The following TNIP1 variants were observed in gnomAD, a reference collection of about 807,000 sequenced individuals.
The protein encoded by TNIP1 is TNFAIP3 interacting protein 1.
A neutral mutation model predicts 86.6 loss-of-function variants in TNIP1; 22 were observed. That is an observed-to-expected ratio of 0.25 (90% confidence interval 0.18 to 0.36). TNIP1 has a LOEUF of 0.36. TNIP1 is among the 10% of genes least tolerant of loss of function. The pLI, the probability that TNIP1 is intolerant of heterozygous loss-of-function variation, is 1.00. For missense variants in TNIP1, 709 were observed against 820.6 expected, an observed-to-expected ratio of 0.86 and a Z score of 1.66; for synonymous variants, 294 against 313.0, an observed-to-expected ratio of 0.94 and a Z score of 0.64.
At chr5:151,087,167 G>T (rs1764308929), upstream of TNIP1, 1 of 152,832 alleles carries the variant, frequency 6.5e-6, no homozygotes, top group Admixed American at 6.5e-5. Flanking sequence ...CTGTGCTTCT[G>T]CAGGAAGGAG....
chr5:151,086,233 G>C (rs1764272777), intron 1 of TNIP1, among the ~76,000 whole-genome samples: 1 of 152,116 alleles, frequency 6.6e-6, no homozygotes, highest in Non-Finnish European at 1.5e-5. Context: ...GAGCCATATG[G>C]GGCTATTTAA....
intron 1 of TNIP1, chr5:151,078,434 C>T (rs1365495215): frequency 6.6e-6 from 1 of 152,194 alleles, no homozygotes. Context: ...CCTGCTCACC[C>T]CCTTCTATTC....
At chr5:151,085,994 G>A (rs918499), upstream of TNIP1, among the ~76,000 whole-genome samples, 78,484 of 151,984 alleles carry the variant, frequency 0.52, 20,912 homozygotes, top group East Asian at 0.73. Context: ...AGAAGCCACC[G>A]TCAGACTTGG....
chr5:151,065,867 A>C (rs1258971157), intron 1 of TNIP1, among the ~76,000 whole-genome samples: 2 of 152,150 alleles, frequency 1.3e-5, no homozygotes, highest in South Asian at 2.1e-4. Context: ...TTTTCATCAA[A>C]CCACTGTCTA....
intron 1 of TNIP1, among the ~76,000 whole-genome samples, chr5:151,078,636 G>C (rs189645766): frequency 6.6e-6 from 1 of 152,200 alleles, no homozygotes; most frequent in Admixed American, 6.5e-5. Flanking sequence ...ATCAGGGAAG[G>C]CCCCTCTGAG....
chr5:151,063,297 T>G (rs1761819042), intron 3 of TNIP1, among the ~76,000 whole-genome samples: 1 of 152,136 alleles, frequency 6.6e-6, no homozygotes, highest in East Asian at 1.9e-4. Context: ...TAGCTGCTCA[T>G]TAAATATTAA....
At chr5:151,048,483 T>C (rs1199706582) in intron 8 of TNIP1, among the ~76,000 whole-genome samples, 1 of 152,166 alleles carries the variant, frequency 6.6e-6, no homozygotes, top group Non-Finnish European at 1.5e-5. Context: ...GTGGAGCTAG[T>C]ATTCCACCTG....
intron 3 of TNIP1, 91 bp downstream of exon 3, chr5:151,063,522 T>G: frequency 6.5e-7 from 1 of 1,529,520 alleles, no homozygotes; most frequent in Non-Finnish European, 8.9e-7. Context: ...CGAGAGAATG[T>G]GGGTTTTGGC....
At chr5:151,053,942 G>A (rs1760313914) in intron 6 of TNIP1, among the ~76,000 whole-genome samples, 1 of 152,214 alleles carries the variant, frequency 6.6e-6, no homozygotes, top group African/African-American at 2.4e-5. Flanking sequence ...GGAGGGGACA[G>A]CCTTTGAGCT....
At chr5:151,056,705 G>A (rs1760702382) in intron 6 of TNIP1, 61 bp downstream of exon 6, 3 of 1,407,646 alleles carry the variant, frequency 2.1e-6, no homozygotes, top group Non-Finnish European at 2.8e-6. Flanking sequence ...GCAGGAAGGT[G>A]GGAAGAGCTC....
chr5:151,031,109 C>T (rs766274401), intron 17 of TNIP1, among the ~76,000 whole-genome samples: 8 of 152,190 alleles, frequency 5.3e-5, no homozygotes, highest in Non-Finnish European at 7.3e-5. Context: ...CTCATCAAAG[C>T]AGCCTCCAAG....
chr5:151,085,679 C>G (rs900331273), upstream of TNIP1, among the ~76,000 whole-genome samples: 1 of 152,166 alleles, frequency 6.6e-6, no homozygotes, highest in African/African-American at 2.4e-5. Flanking sequence ...TGGGTCTCCC[C>G]ACTCCAGCGT....
At chr5:151,065,455 C>CCTGT (rs1442013068) in intron 1 of TNIP1, among the ~76,000 whole-genome samples, 1 of 152,116 alleles carries the variant, frequency 6.6e-6, no homozygotes, top group Non-Finnish European at 1.5e-5. Flanking sequence ...GAGTTCATGT[C>CCTGT]CTGTCTGTGA....
chr5:151,048,905 C>A (rs1204123976), intron 8 of TNIP1, among the ~76,000 whole-genome samples: 5 of 152,204 alleles, frequency 3.3e-5, no homozygotes, highest in Non-Finnish European at 7.3e-5. Context: ...GCAGGTCACA[C>A]AGAAATCCTG....
Position 151,036,811 on chromosome 5 carries a change from C to T in TNIP1, c.1374G>A (p.Gln458=). ...TCACCTGCTGTTTCAGCAACTCATT[C>T]TGCGTGACCAGCTCCTGTTTCCTTA... The part of the protein sequence containing the change: ...ALLRKQELVT[Q]NELLKQQVKI... The change falls in exon 13 of 18, where the codon CAG becomes CAA. Residue 458 remains glutamine, a synonymous_variant. Transcript: ENST00000521591. 6.2e-7 allele frequency: 1 copy of T among 1,614,090 alleles called. No individual in the cohort carries two copies. The highest frequency in any genetic ancestry group is 8.5e-7 in the Non-Finnish European group (1 of 1,179,972).
Position 151,030,278 on chromosome 5 carries a change from C to A in TNIP1, c.*435G>T. On this transcript the variant is annotated 3_prime_UTR_variant, in exon 18 of 18. Transcript: ENST00000521591. The stretch of plus-strand genomic sequence containing the variant: ...GGGTAGGGGTGTGCGTGGGGCAGGT[C>A]CTGCTACAGAGCTTGAAGCAAAAAT... The A allele has an allele frequency of 2.6e-6, 1 of 386,572 alleles. No individual in the cohort carries two copies. The highest frequency in any genetic ancestry group is 1.9e-5 in the South Asian group (1 of 53,694). 23.9% of individuals were successfully genotyped at this position (386,572 alleles called of 1,614,324 possible).
chr5:151,052,339 G>A (rs1361872200), intron 6 of TNIP1, 80 bp from the exon 7 acceptor site: 1 of 1,207,642 alleles, frequency 8.3e-7, no homozygotes, highest in African/African-American at 1.5e-5. Context: ...GATGGTGGGG[G>A]GCCTGTAGCC....
intron 11 of TNIP1, among the ~76,000 whole-genome samples, chr5:151,041,372 T>C (rs1057255881): frequency 5.3e-5 from 8 of 152,110 alleles, no homozygotes; most frequent in African/African-American, 2.4e-5. Context: ...TGCCTGGCCA[T>C]ACATTTTTCT....
In TNIP1 at chr5:151,042,679, C is replaced by G; in HGVS notation, c.1003-8G>C. On this transcript the variant is annotated splice_polypyrimidine_tract_variant and splice_region_variant and intron_variant, in intron 10 of 17. Coordinates refer to ENST00000521591, the MANE Select transcript of TNIP1 (RefSeq NM_006058.5). ...CTGACGCAGCTCAGTGATCTGGGTT[C>G]AGAGGCAGAGAGGAGTGTGTGAGGC... is the stretch of plus-strand genomic sequence containing the variant. The G allele has an allele frequency of 6.2e-7, 1 of 1,613,684 alleles. No homozygotes were observed. The highest frequency in any genetic ancestry group is 8.5e-7 in the Non-Finnish European group (1 of 1,179,974).
Sources: gnomAD v4.1 joint callset for allele counts (sites outside exome capture counted in the v4.1 genomes callset) on GRCh38, gnomAD v4.1.1 for gene constraint, MANE v1.5 for transcripts, NCBI Gene and HGNC (gene_info 2026-07-23, HGNC 2026-07-21) for gene names.